Variants in ANKS1B observed in about 807,000 individuals in gnomAD.
ANKS1B encodes the protein ankyrin repeat and sterile alpha motif domain-containing protein 1B.
A neutral mutation model predicts 148.3 loss-of-function variants in ANKS1B; 36 were observed. The ratio of observed to expected loss-of-function variants is 0.24; its 90% CI spans 0.19 to 0.32. ANKS1B has a LOEUF of 0.32. Among genes scored for constraint, ANKS1B ranks in the 10% least tolerant of loss-of-function variants. ANKS1B has a pLI of 1.00. For synonymous variants in ANKS1B, 542 were observed against 560.8 expected, an observed-to-expected ratio of 0.97 and a Z score of 0.47; for missense variants, 1,157 against 1,542.6, an observed-to-expected ratio of 0.75 and a Z score of 4.19.
At chr12:99,313,273 A>C (rs994572879) in intron 12 of ANKS1B, among the ~76,000 whole-genome samples, 2 of 152,212 alleles carry the variant, frequency 1.3e-5, no homozygotes, top group Non-Finnish European at 2.9e-5. Context: ...AGGCAGTAAT[A>C]GCCTATCAAC....
chr12:99,566,739 G>A (rs2097398452), intron 9 of ANKS1B, among the ~76,000 whole-genome samples: 1 of 152,146 alleles, frequency 6.6e-6, no homozygotes, highest in African/African-American at 2.4e-5. Flanking sequence ...AGCCTCACTA[G>A]ATGACGGCAC....
At chr12:99,031,511 A>G (rs376621808) in intron 17 of ANKS1B, among the ~76,000 whole-genome samples, 16 of 152,292 alleles carry the variant, frequency 1.1e-4, no homozygotes, top group African/African-American at 2.4e-4. Context: ...GCTGTGTGAC[A>G]TGGTCTGGCC....
chr12:99,955,284 C>T (rs1360107074), intron 1 of ANKS1B, among the ~76,000 whole-genome samples: 1 of 151,952 alleles, frequency 6.6e-6, no homozygotes, highest in Non-Finnish European at 1.5e-5. Context: ...CTTTAAAAGG[C>T]CTTCTCGAGA....
At chr12:98,822,003 C>G (rs2099198650) in intron 19 of ANKS1B, among the ~76,000 whole-genome samples, 1 of 151,028 alleles carries the variant, frequency 6.6e-6, no homozygotes, top group Non-Finnish European at 1.5e-5. Flanking sequence ...AATCTCTCCA[C>G]ACGGAGAGGG....
intron 11 of ANKS1B, among the ~76,000 whole-genome samples, chr12:99,433,249 A>C (rs569533276): frequency 6.6e-6 from 1 of 152,280 alleles, no homozygotes; most frequent in East Asian, 1.9e-4. Context: ...CATGAGAGTC[A>C]TATCTGTTAA....
chr12:99,618,118 T>C lies in ANKS1B; in HGVS notation c.1272+36949A>G, dbSNP rs1039055981. Among the ~76,000 whole-genome samples the C allele has an allele frequency of 3.3e-5, 5 of 152,174 alleles. No homozygotes were observed. The East Asian group carries it at 9.7e-4, about 29-fold the overall frequency. On this transcript the variant is annotated intron_variant, in intron 9 of 26. Coordinates refer to ENST00000683438, the MANE Select transcript of ANKS1B (RefSeq NM_001352186.2). ...TTTCTGCCTAATAGAGATTTTCTGA[T>C]GGCTGACCCCTTCCTGTCATTAGGT...
intron 17 of ANKS1B, among the ~76,000 whole-genome samples, chr12:98,878,656 C>T (rs561906746): frequency 1.3e-4 from 20 of 152,152 alleles, no homozygotes; most frequent in Admixed American, 2.6e-4. Flanking sequence ...GCTGAAGGTA[C>T]ACACACTTCT....
At chr12:99,969,496 T>C (rs2095532596) in intron 1 of ANKS1B, among the ~76,000 whole-genome samples, 2 of 152,134 alleles carry the variant, frequency 1.3e-5, no homozygotes, top group South Asian at 4.1e-4. Context: ...ACACTGTATA[T>C]AGTGAAAATA....
intron 10 of ANKS1B, among the ~76,000 whole-genome samples, chr12:99,472,770 G>A (rs1165172037): frequency 2.6e-5 from 4 of 151,998 alleles, no homozygotes; most frequent in African/African-American, 7.2e-5. Context: ...GTTTCATGCA[G>A]CATTTAAGAA....
chr12:99,497,653 T>A (rs1350028085), intron 10 of ANKS1B, among the ~76,000 whole-genome samples: 2 of 152,114 alleles, frequency 1.3e-5, no homozygotes, highest in Admixed American at 6.6e-5. Context: ...TTAATGGCTT[T>A]ATTTTAACTT....
chr12:99,766,687 T>C (rs1336574803), intron 8 of ANKS1B, among the ~76,000 whole-genome samples: 3 of 152,150 alleles, frequency 2.0e-5, no homozygotes, highest in Admixed American at 1.3e-4. Context: ...AAATAGATTG[T>C]TCAGGTTAGA....
At chr12:98,845,575 T>C (rs1303131882) in intron 17 of ANKS1B, among the ~76,000 whole-genome samples, 2 of 152,218 alleles carry the variant, frequency 1.3e-5, no homozygotes, top group Non-Finnish European at 2.9e-5. Flanking sequence ...AGTGCAGAAA[T>C]GATTCTGTTG....
intron 9 of ANKS1B, among the ~76,000 whole-genome samples, chr12:99,615,653 A>C (rs1209202155): frequency 1.3e-5 from 2 of 152,188 alleles, no homozygotes; most frequent in Non-Finnish European, 2.9e-5. Context: ...CAAAATAATA[A>C]GAGCTATTTA....
intron 12 of ANKS1B, among the ~76,000 whole-genome samples, chr12:99,284,697 T>C (rs569015711): frequency 6.6e-6 from 1 of 152,272 alleles, no homozygotes; most frequent in Non-Finnish European, 1.5e-5. Context: ...ATAATCCGAC[T>C]AAAATGTAAA....
intron 12 of ANKS1B, among the ~76,000 whole-genome samples, chr12:99,284,515 T>C (rs974769808): frequency 6.6e-5 from 10 of 152,202 alleles, no homozygotes; most frequent in African/African-American, 2.2e-4. Flanking sequence ...CCGAAAGCCA[T>C]TCATTTTAGA....
At position 99,085,001 on chromosome 12, in the gene ANKS1B, T is replaced by C; in HGVS notation, c.2549A>G (p.Gln850Arg). 6.2e-7 allele frequency: 1 copy of C among 1,609,046 alleles called. No homozygotes were observed. The highest frequency in any genetic ancestry group is 1.1e-5 in the South Asian group (1 of 89,806). Reference sequence around the variant, plus strand: ...AAGGATTCCAATTTCCAACAAATCCTGATCTTCCATAACATTGCTTCCCTG... The same window carrying C: ...AAGGATTCCAATTTCCAACAAATCCCGATCTTCCATAACATTGCTTCCCTG... ...QFMGSNVMEDQDLLEIGILNS... is the reference protein window; with the variant it reads ...QFMGSNVMEDRDLLEIGILNS... Residue 850 changes from glutamine (Q) to arginine (R), a missense_variant, in exon 16 of 27, where the codon CAG becomes CGG. Physicochemically the swap from Gln to Arg is conservative, Grantham distance 43 (BLOSUM62 1). Around this residue, in one of 6 missense-constraint regions of ANKS1B, gnomAD observed 258 missense variants for 497.0 expected, o/e 0.52. Coordinates refer to ENST00000683438, the MANE Select transcript of ANKS1B (RefSeq NM_001352186.2).
intron 17 of ANKS1B, among the ~76,000 whole-genome samples, chr12:98,880,634 G>A (rs1025654060): frequency 1.3e-5 from 2 of 152,110 alleles, no homozygotes; most frequent in African/African-American, 4.8e-5. Flanking sequence ...TGGGCGTGGT[G>A]GCGGGCGCCT....
chr12:99,899,468 C>T (rs557749339), intron 1 of ANKS1B, among the ~76,000 whole-genome samples: 1 of 151,940 alleles, frequency 6.6e-6, no homozygotes, highest in African/African-American at 2.4e-5. Context: ...ATCTGTTACC[C>T]CTACAAGTTT....
At chr12:98,972,847 T>C (rs533511424) in intron 17 of ANKS1B, among the ~76,000 whole-genome samples, 1 of 152,324 alleles carries the variant, frequency 6.6e-6, no homozygotes, top group African/African-American at 2.4e-5. Context: ...GCTCAGGTGA[T>C]ACTAATGAAG....
Sources: gnomAD v4.1 joint callset for allele counts (sites outside exome capture counted in the v4.1 genomes callset) on GRCh38, gnomAD v4.1.1 for gene constraint, gnomAD v4.1.1 regional missense constraint, MANE v1.5 for transcripts, NCBI Gene and HGNC (gene_info 2026-07-23, HGNC 2026-07-21) for gene names.